PDE10A: variants seen among roughly 807,000 people sequenced by gnomAD.
PDE10A encodes the protein phosphodiesterase 10A.
A neutral mutation model predicts 97.7 loss-of-function variants in PDE10A; 39 were observed. The observed-to-expected ratio is 0.40, with a 90% CI of 0.31 to 0.52. PDE10A has a LOEUF of 0.52. Among genes scored for constraint, PDE10A ranks in the 20% least tolerant of loss-of-function variants. The pLI is 0.56. For missense variants in PDE10A, 731 were observed against 1,047.8 expected (o/e 0.70, Z 4.17); for synonymous variants, 371 against 376.8 (o/e 0.98, Z 0.18).
At chr6:165,961,126 G>T (rs1399288000) in intron 1 of PDE10A, among the ~76,000 whole-genome samples, 3 of 152,098 alleles carry the variant, frequency 2.0e-5, no homozygotes, top group Non-Finnish European at 4.4e-5. Flanking sequence ...GGTGGGGATG[G>T]GGTGCAGGGG....
intron 18 of PDE10A, among the ~76,000 whole-genome samples, chr6:165,369,310 CAAAG>C (rs750978449): frequency 3.3e-5 from 5 of 151,358 alleles, no homozygotes; most frequent in Non-Finnish European, 7.4e-5. Flanking sequence ...AAACCAAAGA[CAAAG>C]AAGCTGAAAA....
intron 1 of PDE10A, among the ~76,000 whole-genome samples, chr6:165,831,356 A>G (rs1411759264): frequency 1.1e-5 from 1 of 90,842 alleles, no homozygotes; most frequent in Non-Finnish European, 1.9e-5. Flanking sequence ...TGGGCGAGAG[A>G]GCGAGACTCT....
chr6:165,882,286 G>T (rs1486648951), intron 1 of PDE10A, among the ~76,000 whole-genome samples: 1 of 152,202 alleles, frequency 6.6e-6, no homozygotes, highest in African/African-American at 2.4e-5. Context: ...TAGACTGTGT[G>T]TTCCCCAAGG....
intron 1 of PDE10A, among the ~76,000 whole-genome samples, chr6:165,561,846 C>A (rs531025189): frequency 1.3e-5 from 2 of 152,224 alleles, no homozygotes; most frequent in Admixed American, 1.3e-4. Context: ...TTTTAAAAAT[C>A]TAAAGAACTA....
chr6:165,775,470 G>T (rs1488050761), intron 1 of PDE10A: 5 of 152,140 alleles, frequency 3.3e-5, no homozygotes, highest in Admixed American at 1.3e-4. Flanking sequence ...AATGTTTGCT[G>T]GTCGTGAACT....
At position 165,629,596 on chromosome 6, in the gene PDE10A, C is replaced by T. The variant is rs117399220; in HGVS notation, c.865+32351G>A. On this transcript the variant is annotated intron_variant, in intron 1 of 21. Coordinates refer to ENST00000539869, the MANE Select transcript of PDE10A (RefSeq NM_001385079.1). The stretch of plus-strand genomic sequence containing the variant: ...GCTGGAGTGCAGGAGTGCGATGGTG[C>T]CGTCTCGGCTCACTGAAACCTCCAC... 5.2e-3 allele frequency among the ~76,000 whole-genome samples: 777 copies of T among 150,336 alleles called. 9 individuals are homozygous for T. The highest frequency in any genetic ancestry group is 5.0e-3 in the Non-Finnish European group (337 of 67,810).
intron 1 of PDE10A, among the ~76,000 whole-genome samples, chr6:165,786,272 G>A (rs771668450): frequency 2.0e-5 from 3 of 152,172 alleles, no homozygotes; most frequent in Admixed American, 1.3e-4. Flanking sequence ...GAAGTTCAAA[G>A]GAGGGGTGAC....
chr6:165,932,385 G>A (rs1783165371), intron 1 of PDE10A, among the ~76,000 whole-genome samples: 1 of 152,068 alleles, frequency 6.6e-6, no homozygotes, highest in African/African-American at 2.4e-5. Flanking sequence ...GCCCAGGCTG[G>A]AGTGTAATGG....
chr6:165,600,778 C>T (rs1296332061), intron 1 of PDE10A, among the ~76,000 whole-genome samples: 1 of 152,214 alleles, frequency 6.6e-6, no homozygotes, highest in Admixed American at 6.5e-5. Context: ...TAATTGCCCT[C>T]AGCAGGACCT....
At chr6:165,335,487 T>C (rs1446738276) in intron 21 of PDE10A, among the ~76,000 whole-genome samples, 4 of 152,162 alleles carry the variant, frequency 2.6e-5, no homozygotes, top group Admixed American at 6.5e-5. Flanking sequence ...TCTTCACATA[T>C]ACATAGTGTA....
chr6:165,356,682 C>T (rs1439301426), intron 18 of PDE10A, among the ~76,000 whole-genome samples: 2 of 152,076 alleles, frequency 1.3e-5, no homozygotes, highest in African/African-American at 4.8e-5. Context: ...TCTCATCCAA[C>T]TAAAACTGGT....
In PDE10A at chr6:165,431,633, T is replaced by C. The variant is rs1001547984; in HGVS notation, c.1492-161A>G. On this transcript the variant is annotated intron_variant, in intron 7 of 21. Coordinates refer to ENST00000539869, the MANE Select transcript of PDE10A (RefSeq NM_001385079.1). ...ATATCATACATAACATATATATATA[T>C]ATACACACACACACTACTTGTAGTC... Among the ~76,000 whole-genome samples, 259 of 147,984 alleles carry C rather than the reference T, an allele frequency of 1.8e-3. 1 individual carries two copies. Among genetic ancestry groups the C allele is most frequent in the African/African-American group, 5.8e-3 (235 of 40,604 alleles).
intron 13 of PDE10A, among the ~76,000 whole-genome samples, chr6:165,412,988 T>C (rs1331446405): frequency 6.6e-6 from 1 of 152,206 alleles, no homozygotes; most frequent in Non-Finnish European, 1.5e-5. Context: ...AACTTCATTT[T>C]ACCCTTCAGT....
chr6:165,758,389 A>G (rs1358874120), intron 1 of PDE10A, among the ~76,000 whole-genome samples: 1 of 152,186 alleles, frequency 6.6e-6, no homozygotes, highest in African/African-American at 2.4e-5. Flanking sequence ...GGAGCCCAGG[A>G]GGCAGAAGAT....
Position 165,382,704 on chromosome 6 carries a change from A to C in PDE10A, c.2611-3338T>G, listed in dbSNP as rs1785011542. ...CTGGTTCATTGTAAGTACCCAATAC[A>C]TGATAAAACGATTACTATTATAATA... On this transcript the variant is annotated intron_variant, in intron 17 of 21. Transcript: ENST00000539869. Among the ~76,000 whole-genome samples, 4 of 150,174 alleles carry C rather than the reference A, an allele frequency of 2.7e-5. No homozygotes were observed. The Admixed American group carries it at 2.7e-4, about 10-fold the overall frequency.
At chr6:165,774,624 A>T (rs1778115217) in intron 1 of PDE10A, among the ~76,000 whole-genome samples, 1 of 148,072 alleles carries the variant, frequency 6.8e-6, no homozygotes, top group East Asian at 1.9e-4. Context: ...TATATATAAA[A>T]TAAATGACCT....
chr6:165,763,319 C>T (rs369944390), intron 1 of PDE10A, among the ~76,000 whole-genome samples: 1 of 152,038 alleles, frequency 6.6e-6, no homozygotes, highest in African/African-American at 2.4e-5. Context: ...GTTTGAGATT[C>T]TGTGTTTGTT....
intron 1 of PDE10A, among the ~76,000 whole-genome samples, chr6:165,916,608 T>C (rs1782609438): frequency 6.6e-6 from 1 of 152,240 alleles, no homozygotes; most frequent in African/African-American, 2.4e-5. Context: ...CTTTGCCATC[T>C]TCTCCCGCTT....
At chr6:165,512,390 AATT>A (rs766854250) in intron 2 of PDE10A, among the ~76,000 whole-genome samples, 16 of 151,812 alleles carry the variant, frequency 1.1e-4, no homozygotes, top group Admixed American at 2.6e-4. Flanking sequence ...TATAGTAATA[AATT>A]ATTATTTATT....
Sources: allele counts gnomAD v4.1 joint callset (sites outside exome capture counted in the v4.1 genomes callset), GRCh38; gene constraint gnomAD v4.1.1; transcripts MANE v1.5; gene names NCBI Gene and HGNC (gene_info 2026-07-23, HGNC 2026-07-21).